EXOC6B: variants seen among roughly 807,000 people sequenced by gnomAD.
The protein encoded by EXOC6B is SEC15 homolog B.
Under a neutral mutation model 113.5 loss-of-function variants are expected in EXOC6B, and 54 were observed. The ratio of observed to expected loss-of-function variants is 0.48; its 90% CI spans 0.38 to 0.60. The LOEUF (loss-of-function observed/expected upper bound fraction) is 0.60, where lower values mean the gene tolerates loss of function less well. EXOC6B is among the 20% of genes least tolerant of loss of function. The pLI is 0.00. For missense variants in EXOC6B, 797 were observed against 977.5 expected (o/e 0.82, Z 2.46); for synonymous variants, 357 against 339.0 (o/e 1.05, Z -0.58).
intron 18 of EXOC6B, among the ~76,000 whole-genome samples, chr2:72,398,242 CT>C (rs1692880487): frequency 6.6e-6 from 1 of 152,204 alleles, no homozygotes; most frequent in Admixed American, 6.5e-5. Flanking sequence ...TCAGTCTTTT[CT>C]GGCCTTTGGA....
At chr2:72,238,593 A>G (rs1226783719) in intron 20 of EXOC6B, among the ~76,000 whole-genome samples, 1 of 152,134 alleles carries the variant, frequency 6.6e-6, no homozygotes, top group Non-Finnish European at 1.5e-5. Flanking sequence ...TATTCTAGCT[A>G]TCCTAGTGTG....
chr2:72,389,257 TAA>T (rs1349275749), intron 18 of EXOC6B, among the ~76,000 whole-genome samples: 6 of 152,022 alleles, frequency 3.9e-5, no homozygotes, highest in Non-Finnish European at 8.8e-5. Flanking sequence ...GGCTTTGTAA[TAA>T]GTCTCTTTAA....
chr2:72,653,978 T>A (rs1448907606), intron 6 of EXOC6B, among the ~76,000 whole-genome samples: 3 of 151,316 alleles, frequency 2.0e-5, no homozygotes, highest in African/African-American at 7.3e-5. Flanking sequence ...TTATTTTTTT[T>A]TTTTTTTTTG....
intron 6 of EXOC6B, among the ~76,000 whole-genome samples, chr2:72,611,554 G>A (rs1220474522): frequency 6.6e-6 from 1 of 152,178 alleles, no homozygotes; most frequent in Non-Finnish European, 1.5e-5. Flanking sequence ...TAGTAGTGAT[G>A]TGCCAGTACT....
intron 17 of EXOC6B, among the ~76,000 whole-genome samples, chr2:72,470,078 C>T (rs776302307): frequency 3.3e-5 from 5 of 151,870 alleles, no homozygotes; most frequent in Non-Finnish European, 7.4e-5. Context: ...TTTTAGTTCC[C>T]TATGAATTTT....
intron 1 of EXOC6B, among the ~76,000 whole-genome samples, chr2:72,758,814 C>T (rs1201815657): frequency 6.6e-6 from 1 of 152,170 alleles, no homozygotes; most frequent in Non-Finnish European, 1.5e-5. Context: ...TTATAGAAAA[C>T]TAAAACTTAC....
intron 6 of EXOC6B, among the ~76,000 whole-genome samples, chr2:72,589,827 A>G (rs1340717157): frequency 6.6e-6 from 1 of 150,736 alleles, no homozygotes; most frequent in Non-Finnish European, 1.5e-5. Context: ...CATGGCATTG[A>G]ATGGAAAAAA....
chr2:72,195,335 C>G (rs947330537), intron 20 of EXOC6B, among the ~76,000 whole-genome samples: 1 of 152,156 alleles, frequency 6.6e-6, no homozygotes, highest in Non-Finnish European at 1.5e-5. Context: ...AACCTATTAT[C>G]ACACTGGCTG....
At chr2:72,476,899 C>T (rs1698779521) in intron 17 of EXOC6B, among the ~76,000 whole-genome samples, 1 of 152,158 alleles carries the variant, frequency 6.6e-6, no homozygotes, top group Non-Finnish European at 1.5e-5. Context: ...ATATCCTTCA[C>T]TCCCTCTATA....
intron 5 of EXOC6B, among the ~76,000 whole-genome samples, chr2:72,719,825 T>C (rs2104727163): frequency 6.6e-6 from 1 of 152,310 alleles, no homozygotes; most frequent in East Asian, 1.9e-4. Flanking sequence ...GTAACTTGAA[T>C]TCACAGAAAG....
intron 1 of EXOC6B, among the ~76,000 whole-genome samples, chr2:72,769,812 A>AAAAAT (rs1296793056): frequency 1.3e-5 from 2 of 152,146 alleles, no homozygotes; most frequent in East Asian, 1.9e-4. Context: ...ACTCCATCTC[A>AAAAAT]AAAATAAAAT....
chr2:72,673,363 C>T (rs73945611), intron 6 of EXOC6B, among the ~76,000 whole-genome samples: 1 of 152,330 alleles, frequency 6.6e-6, no homozygotes, highest in Non-Finnish European at 1.5e-5. Context: ...CAATAACCTG[C>T]CCAGCCGTTC....
At chr2:72,646,641 T>C (rs1435140799) in intron 6 of EXOC6B, among the ~76,000 whole-genome samples, 2 of 152,160 alleles carry the variant, frequency 1.3e-5, no homozygotes, top group African/African-American at 4.8e-5. Context: ...CAAGGCTGGT[T>C]CAACATACGC....
intron 6 of EXOC6B, among the ~76,000 whole-genome samples, chr2:72,613,167 A>G (rs1408231082): frequency 6.6e-6 from 1 of 152,224 alleles, no homozygotes; most frequent in Non-Finnish European, 1.5e-5. Flanking sequence ...CATTTTATTA[A>G]GCAGGCATTT....
chr2:72,700,172 G>A (rs751735019), intron 6 of EXOC6B, among the ~76,000 whole-genome samples: 2 of 148,394 alleles, frequency 1.3e-5, no homozygotes, highest in Admixed American at 6.8e-5. Context: ...TATTTTCATC[G>A]GCCACTGGCT....
chr2:72,557,692 A>G (rs895990648), intron 8 of EXOC6B, among the ~76,000 whole-genome samples: 4 of 152,140 alleles, frequency 2.6e-5, no homozygotes, highest in Non-Finnish European at 5.9e-5. Context: ...AGCAGAAAAG[A>G]TAATTTTTGG....
intron 7 of EXOC6B, among the ~76,000 whole-genome samples, chr2:72,573,491 G>A (rs1050411514): frequency 2.6e-5 from 4 of 152,164 alleles, no homozygotes; most frequent in Non-Finnish European, 5.9e-5. Context: ...AAGGGAGAAT[G>A]CTAGAAAACA....
intron 20 of EXOC6B, among the ~76,000 whole-genome samples, chr2:72,225,541 G>A (rs910742400): frequency 5.3e-5 from 8 of 152,160 alleles, no homozygotes; most frequent in South Asian, 2.1e-4. Context: ...ACAAGCCTAC[G>A]TGGAGACTGT....
intron 11 of EXOC6B, among the ~76,000 whole-genome samples, chr2:72,506,750 T>C (rs1453833869): frequency 1.3e-5 from 2 of 152,164 alleles, no homozygotes; most frequent in Non-Finnish European, 2.9e-5. Flanking sequence ...TATTTGTTTA[T>C]TGTTGTCTCC....
Sources: allele counts gnomAD v4.1 joint callset (sites outside exome capture counted in the v4.1 genomes callset), GRCh38; gene constraint gnomAD v4.1.1; transcripts MANE v1.5; gene names NCBI Gene and HGNC (gene_info 2026-07-23, HGNC 2026-07-21).